Variants in COLEC11 observed in about 807,000 individuals in gnomAD.
COLEC11 encodes the protein collectin-11.
A neutral mutation model predicts 27.3 loss-of-function variants in COLEC11; 20 were observed. That is an observed-to-expected ratio of 0.73 (90% confidence interval 0.51 to 1.06). The LOEUF is 1.06. Ranked by LOEUF, COLEC11 falls within the 50% of genes least tolerant of loss-of-function variation. COLEC11 has a pLI of 0.00. For missense variants in COLEC11, 310 were observed against 383.0 expected, an observed-to-expected ratio of 0.81 and a Z score of 1.59; for synonymous variants, 163 against 154.7, an observed-to-expected ratio of 1.05 and a Z score of -0.40.
intron 1 of COLEC11, 42 bp from the exon 2 acceptor site, chr2:3,604,273 C>T (rs749847497): frequency 2.9e-5 from 47 of 1,608,436 alleles, no homozygotes; most frequent in Non-Finnish European, 4.0e-5. Context: ...GGCTGCCCGG[C>T]TGTTGCAGTT....
At chr2:3,639,320 G>T (rs1572474522) in intron 4 of COLEC11, among the ~76,000 whole-genome samples, 2 of 152,256 alleles carry the variant, frequency 1.3e-5, no homozygotes, top group East Asian at 3.8e-4. Flanking sequence ...GCTCTGGGCA[G>T]ATTCCGGCAT....
At chr2:3,623,310 G>A (rs1664306239) in intron 3 of COLEC11, among the ~76,000 whole-genome samples, 1 of 152,108 alleles carries the variant, frequency 6.6e-6, no homozygotes, top group Non-Finnish European at 1.5e-5. Flanking sequence ...TAAGCTTCAT[G>A]TACCTTGATG....
chr2:3,601,154 CA>C (rs1662189129), intron 1 of COLEC11, among the ~76,000 whole-genome samples: 1 of 152,196 alleles, frequency 6.6e-6, no homozygotes, highest in East Asian at 1.9e-4. Context: ...CCCACACGGG[CA>C]GGGGGCCTCG....
rs138756766 is a variant in COLEC11, at chr2:3,626,118, C to G, written c.203-11415C>G. The G allele has an allele frequency of 2.7e-4, 420 of 1,583,830 alleles. 1 individual carries two copies. In the African/African-American group the frequency reaches 4.9e-3, roughly 19 times the overall value. On this transcript the variant is annotated intron_variant, in intron 3 of 6. Coordinates refer to ENST00000349077, the MANE Select transcript of COLEC11 (RefSeq NM_024027.5). ...GTAATGGATCTGGAAATCCCACCTT[C>G]ACACTTAAGTTGGACCCTGAGATGC...
intron 3 of COLEC11, among the ~76,000 whole-genome samples, chr2:3,636,473 C>T (rs1665424748): frequency 1.3e-5 from 2 of 152,200 alleles, no homozygotes; most frequent in African/African-American, 4.8e-5. Flanking sequence ...AAAGTCCTTC[C>T]CACCACCCAC....
chr2:3,602,704 C>T lies in COLEC11; in HGVS notation c.-26-1611C>T, dbSNP rs1459416214. On this transcript the variant is annotated intron_variant, in intron 1 of 6. Transcript: ENST00000349077. This position sits in a 1 kb window ranked among gnomAD's most constrained non-coding sequence, Gnocchi z 6.2. ...GTCTCATACAGAGCAACCCCCAAAGCTGCTGGGCGCCGGCTCCTGTCTCCT... is the reference window on the plus strand; with the variant it reads ...GTCTCATACAGAGCAACCCCCAAAGTTGCTGGGCGCCGGCTCCTGTCTCCT... Among the ~76,000 whole-genome samples, 3 of 152,224 alleles carry T rather than the reference C, an allele frequency of 2.0e-5. No individual in the cohort carries two copies. The highest frequency in any genetic ancestry group is 3.8e-4 in the East Asian group (2 of 5,196).
intron 3 of COLEC11, among the ~76,000 whole-genome samples, chr2:3,627,973 G>A (rs568536939): frequency 6.6e-6 from 1 of 152,312 alleles, no homozygotes; most frequent in South Asian, 2.1e-4. Flanking sequence ...CTGTTGCCCA[G>A]CCTGTGGCCA....
At chr2:3,616,954 C>T (rs1308125985) in intron 3 of COLEC11, among the ~76,000 whole-genome samples, 1 of 152,174 alleles carries the variant, frequency 6.6e-6, no homozygotes, top group Non-Finnish European at 1.5e-5. Flanking sequence ...GCCATGTTTT[C>T]TTTATCCACT....
At chr2:3,608,064 AC>A (rs1321679070) in intron 2 of COLEC11, among the ~76,000 whole-genome samples, 1 of 152,220 alleles carries the variant, frequency 6.6e-6, no homozygotes, top group African/African-American at 2.4e-5. Context: ...ATCTTCCTCA[AC>A]TGGCTATAAA....
intron 3 of COLEC11, among the ~76,000 whole-genome samples, chr2:3,625,216 A>G (rs972531674): frequency 6.6e-6 from 1 of 152,112 alleles, no homozygotes; most frequent in Non-Finnish European, 1.5e-5. Context: ...AAGTGGCAGC[A>G]GGCTTTTTCA....
chr2:3,641,294 C>T (rs770736957), intron 5 of COLEC11: 70 of 1,303,996 alleles, frequency 5.4e-5, no homozygotes, highest in Middle Eastern at 4.5e-4. Flanking sequence ...GTGTGCTTGC[C>T]GGTGTGACTT....
At chr2:3,638,596 A>G (rs1393584853) in intron 4 of COLEC11, among the ~76,000 whole-genome samples, 1 of 152,086 alleles carries the variant, frequency 6.6e-6, no homozygotes, top group Non-Finnish European at 1.5e-5. Flanking sequence ...GTTCTGATCC[A>G]TGGTCACAGA....
At chr2:3,633,199 G>A (rs944246551) in intron 3 of COLEC11, among the ~76,000 whole-genome samples, 2 of 152,188 alleles carry the variant, frequency 1.3e-5, no homozygotes, top group African/African-American at 4.8e-5. Flanking sequence ...GACCAGGACC[G>A]GGATGGTGAG....
intron 5 of COLEC11, chr2:3,641,374 G>A (rs1238209935): frequency 1.5e-6 from 2 of 1,301,498 alleles, no homozygotes; most frequent in Admixed American, 2.3e-5. Context: ...GGCACCTCCA[G>A]GCACTCAGCC....
At chr2:3,612,106 AG>A (rs1663240577) in intron 2 of COLEC11, among the ~76,000 whole-genome samples, 1 of 152,090 alleles carries the variant, frequency 6.6e-6, no homozygotes, top group Non-Finnish European at 1.5e-5. Context: ...GTTATAGAGA[AG>A]TAAAGTTTAC....
At chr2:3,643,622 C>G (rs532264920) in intron 6 of COLEC11, 83 bp downstream of exon 6, 1 of 1,598,826 alleles carries the variant, frequency 6.3e-7, no homozygotes, top group Non-Finnish European at 8.6e-7. Context: ...CTGCCGTGCC[C>G]ACGCCTGCCC....
At chr2:3,626,462 G>T (rs1391441927) in intron 3 of COLEC11, among the ~76,000 whole-genome samples, 1 of 152,240 alleles carries the variant, frequency 6.6e-6, no homozygotes, top group Admixed American at 6.5e-5. Context: ...ATGACTCCCA[G>T]AAGGGTTAAA....
intron 4 of COLEC11, among the ~76,000 whole-genome samples, chr2:3,639,435 A>T (rs1486861722): frequency 6.6e-6 from 1 of 152,114 alleles, no homozygotes; most frequent in African/African-American, 2.4e-5. Context: ...CTGTGCTTTC[A>T]TTTCCAAGCT....
chr2:3,599,091 G>T (rs1662050848), intron 1 of COLEC11, among the ~76,000 whole-genome samples: 1 of 152,122 alleles, frequency 6.6e-6, no homozygotes, highest in African/African-American at 2.4e-5. Flanking sequence ...CTGGATTTCA[G>T]TCCCACCCTC....
Sources: allele counts gnomAD v4.1 joint callset (sites outside exome capture counted in the v4.1 genomes callset), GRCh38; gene constraint gnomAD v4.1.1; non-coding constraint Gnocchi (gnomAD v3.1); transcripts MANE v1.5; gene names NCBI Gene and HGNC (gene_info 2026-07-23, HGNC 2026-07-21).